The following CTNNA2 variants were observed in gnomAD, a reference collection of about 807,000 sequenced individuals.
CTNNA2 encodes the protein catenin alpha-2.
Under a neutral mutation model 101.0 loss-of-function variants are expected in CTNNA2, and 42 were observed. The observed-to-expected ratio is 0.42, with a 90% CI of 0.32 to 0.54. CTNNA2 has a LOEUF of 0.54. CTNNA2 is among the 20% of genes least tolerant of loss of function. CTNNA2 has a pLI of 0.14. For synonymous variants in CTNNA2, 450 were observed against 456.4 expected (o/e 0.99, Z 0.18); for missense variants, 871 against 1,223.1 (o/e 0.71, Z 4.29).
chr2:79,495,027 A>C (rs951630479), intron 4 of CTNNA2, among the ~76,000 whole-genome samples: 38 of 151,984 alleles, frequency 2.5e-4, no homozygotes, highest in African/African-American at 8.0e-4. Context: ...GGCGTGAACC[A>C]GGGAGGCGGA....
At chr2:79,759,217 C>A (rs1014663224) in intron 3 of CTNNA2, among the ~76,000 whole-genome samples, 1 of 151,992 alleles carries the variant, frequency 6.6e-6, no homozygotes, top group Admixed American at 6.6e-5. Context: ...CGTGGAGAAA[C>A]CCCGTTTCTA....
chr2:80,146,011 G>T (rs1457690975), intron 7 of CTNNA2, among the ~76,000 whole-genome samples: 1 of 152,146 alleles, frequency 6.6e-6, no homozygotes, highest in East Asian at 1.9e-4. Context: ...AACTTCCATG[G>T]CCATGCTGTA....
chr2:79,610,480 A>G (rs1678196093), intron 1 of CTNNA2, among the ~76,000 whole-genome samples: 1 of 152,182 alleles, frequency 6.6e-6, no homozygotes, highest in Admixed American at 6.5e-5. Context: ...ATGTTCATCA[A>G]CAAATGAATA....
intron 1 of CTNNA2, among the ~76,000 whole-genome samples, chr2:79,609,888 A>G (rs895083149): frequency 1.1e-4 from 16 of 152,168 alleles, no homozygotes; most frequent in African/African-American, 3.9e-4. Context: ...CTTTAGATAC[A>G]CTGCAAAAGC....
At chr2:80,137,930 A>G (rs1160127992) in intron 7 of CTNNA2, among the ~76,000 whole-genome samples, 1 of 152,160 alleles carries the variant, frequency 6.6e-6, no homozygotes, top group East Asian at 1.9e-4. Flanking sequence ...GCATGGCTTC[A>G]TAAGATGGAA....
chr2:80,398,716 A>C (rs916934766), intron 8 of CTNNA2, among the ~76,000 whole-genome samples: 2 of 149,570 alleles, frequency 1.3e-5, no homozygotes, highest in Non-Finnish European at 3.0e-5. Context: ...AAAAAAAAAA[A>C]ATTCACCCGG....
At chr2:79,904,647 T>A (rs1299230925) in intron 6 of CTNNA2, among the ~76,000 whole-genome samples, 2 of 152,206 alleles carry the variant, frequency 1.3e-5, no homozygotes, top group Non-Finnish European at 2.9e-5. Context: ...CATTTCCCTA[T>A]TCAATAAGAT....
At chr2:79,659,612 T>A (rs953948559) in intron 2 of CTNNA2, among the ~76,000 whole-genome samples, 9 of 152,354 alleles carry the variant, frequency 5.9e-5, no homozygotes, top group African/African-American at 2.2e-4. Context: ...CATTTTTATT[T>A]ATTTACCTTT....
chr2:80,464,708 C>G (rs533313332), intron 9 of CTNNA2, among the ~76,000 whole-genome samples: 1 of 152,092 alleles, frequency 6.6e-6, no homozygotes, highest in Non-Finnish European at 1.5e-5. Flanking sequence ...CACTTTGGGA[C>G]GAGACCTTGT....
intron 3 of CTNNA2, among the ~76,000 whole-genome samples, chr2:79,807,147 T>A (rs1054348835): frequency 3.3e-5 from 5 of 152,182 alleles, no homozygotes; most frequent in Admixed American, 1.3e-4. Flanking sequence ...ACACTTTTTT[T>A]AAATACAAAT....
chr2:80,010,445 A>G (rs774513829), intron 7 of CTNNA2, among the ~76,000 whole-genome samples: 3 of 152,028 alleles, frequency 2.0e-5, no homozygotes, highest in Non-Finnish European at 1.5e-5. Flanking sequence ...AGCCGGGACT[A>G]CAGGCACGTG....
chr2:80,530,720 C>A (rs1006391227), intron 9 of CTNNA2, among the ~76,000 whole-genome samples: 44 of 152,162 alleles, frequency 2.9e-4, no homozygotes, highest in African/African-American at 9.9e-4. Context: ...TTCGATAGCA[C>A]TGTTTAATGA....
chr2:79,531,414 C>T (rs747101936), intron 1 of CTNNA2, among the ~76,000 whole-genome samples: 36 of 151,744 alleles, frequency 2.4e-4, no homozygotes, highest in Non-Finnish European at 3.7e-4. Context: ...GAACAATAGA[C>T]TTTGTTGCCA....
intron 7 of CTNNA2, among the ~76,000 whole-genome samples, chr2:80,170,223 CTCTCTCTCTG>C (rs1318343254): frequency 6.7e-6 from 1 of 149,560 alleles, no homozygotes; most frequent in Non-Finnish European, 1.5e-5. Context: ...CTCTCTCTCT[CTCTCTCTCTG>C]TGTGTGTGTG....
chr2:79,470,370 G>T (rs1170085325), intron 4 of CTNNA2, among the ~76,000 whole-genome samples: 1 of 152,060 alleles, frequency 6.6e-6, no homozygotes, highest in Non-Finnish European at 1.5e-5. Flanking sequence ...AGCTTTTCTC[G>T]ATAAAACTGT....
At chr2:79,398,962 A>G (rs1019884591) in intron 4 of CTNNA2, among the ~76,000 whole-genome samples, 2 of 152,042 alleles carry the variant, frequency 1.3e-5, no homozygotes, top group African/African-American at 4.8e-5. Flanking sequence ...TTGAAAACCA[A>G]CATTCTTGCA....
chr2:80,239,812 TGAGGCA>T (rs1371759907), intron 7 of CTNNA2, among the ~76,000 whole-genome samples: 2 of 151,720 alleles, frequency 1.3e-5, no homozygotes, highest in African/African-American at 4.8e-5. Flanking sequence ...CTCGGGAGGC[TGAGGCA>T]GGAGAATCGT....
At chr2:80,144,664 T>G (rs1049994720) in intron 7 of CTNNA2, among the ~76,000 whole-genome samples, 1 of 152,192 alleles carries the variant, frequency 6.6e-6, no homozygotes, top group Non-Finnish European at 1.5e-5. Context: ...CCCAAGTCAC[T>G]TCCTATTAAT....
At chr2:79,732,712 G>A (rs1370586805) in intron 2 of CTNNA2, among the ~76,000 whole-genome samples, 1 of 151,952 alleles carries the variant, frequency 6.6e-6, no homozygotes, top group African/African-American at 2.4e-5. Context: ...CTGTAATAGA[G>A]TATCTTTAAA....
Sources: allele counts gnomAD v4.1 joint callset (sites outside exome capture counted in the v4.1 genomes callset), GRCh38; gene constraint gnomAD v4.1.1; transcripts MANE v1.5; gene names NCBI Gene and HGNC (gene_info 2026-07-23, HGNC 2026-07-21).